Variants in PLCG2 observed in about 807,000 individuals in gnomAD.
PLCG2 encodes the protein 1-phosphatidylinositol 4,5-bisphosphate phosphodiesterase gamma-2.
Under a neutral mutation model 175.6 loss-of-function variants are expected in PLCG2, and 69 were observed. That is an observed-to-expected ratio of 0.39 (90% CI 0.32 to 0.48). PLCG2 has a LOEUF of 0.48. PLCG2 is among the 20% of genes least tolerant of loss of function. The pLI, the probability that PLCG2 is intolerant of heterozygous loss-of-function variation, is 0.91. For synonymous variants in PLCG2, 827 were observed against 624.0 expected, an observed-to-expected ratio of 1.33 and a Z score of -4.85; for missense variants, 1,798 against 1,650.9, an observed-to-expected ratio of 1.09 and a Z score of -1.54.
At position 81,764,545 on chromosome 16, in the gene PLCG2, C is replaced by T. The variant is rs550148351; in HGVS notation, c.-48+8579C>T. Among the ~76,000 whole-genome samples, 30 of 152,302 alleles carry T rather than the reference C, an allele frequency of 2.0e-4. No individual in the cohort carries two copies. The South Asian group carries it at 4.6e-3, about 23-fold the overall frequency. ...CACTGATCACTGGCCAAGCGTGCCC[C>T]GTGCAGGTCTCACCCTCCAGCCCAT... On this transcript the variant is annotated intron_variant, in intron 2 of 5. Coordinates refer to the PLCG2 transcript ENST00000565054.
chr16:81,846,438 A>G (rs1906121571), intron 2 of PLCG2, among the ~76,000 whole-genome samples: 1 of 152,226 alleles, frequency 6.6e-6, no homozygotes, highest in Admixed American at 6.5e-5. Context: ...CTCAGGCTCA[A>G]CTTCCAGGGA....
At chr16:81,776,560 G>A (rs1039790209), upstream of PLCG2, among the ~76,000 whole-genome samples, 2 of 152,214 alleles carry the variant, frequency 1.3e-5, no homozygotes, top group South Asian at 2.1e-4. Context: ...TGATGACGAC[G>A]ATTGTTAATT....
In PLCG2 at chr16:81,769,606, A is replaced by T. The variant is rs535023710; in HGVS notation, c.-48+13640A>T. 1.4e-3 allele frequency among the ~76,000 whole-genome samples: 210 copies of T among 152,010 alleles called. 1 individual carries two copies. The highest frequency in any genetic ancestry group is 6.8e-3 in the Middle Eastern group (2 of 294). On this transcript the variant is annotated intron_variant, in intron 2 of 5. Transcript: ENST00000565054. The stretch of plus-strand genomic sequence containing the variant: ...GAGGCGGGCGGATCACGAGGTCAGG[A>T]GATCGAGACCATCCCGGCTAAAAAA...
intron 10 of PLCG2, among the ~76,000 whole-genome samples, chr16:81,891,240 T>C (rs897120281): frequency 1.3e-5 from 2 of 152,274 alleles, no homozygotes; most frequent in African/African-American, 2.4e-5. Flanking sequence ...TATTTTAGGA[T>C]AAACATTACA....
chr16:81,838,340 G>A (rs1304015855), intron 2 of PLCG2, among the ~76,000 whole-genome samples: 1 of 152,136 alleles, frequency 6.6e-6, no homozygotes. Context: ...GCCTGCCTTG[G>A]CCTCCCAAAG....
At chr16:81,797,422 A>G (rs915170596) in intron 2 of PLCG2, among the ~76,000 whole-genome samples, 1 of 152,200 alleles carries the variant, frequency 6.6e-6, no homozygotes, top group African/African-American at 2.4e-5. Context: ...TGGGGTTGAA[A>G]TCAGAAATCC....
At chr16:81,838,584 G>C (rs757555615) in intron 2 of PLCG2, among the ~76,000 whole-genome samples, 2 of 151,566 alleles carry the variant, frequency 1.3e-5, no homozygotes, top group African/African-American at 4.8e-5. Context: ...AGAGGGAGGG[G>C]AACATCACAC....
Position 81,940,016 on chromosome 16 carries a change from C to G in PLCG2, c.3438C>G (p.Asn1146Lys). 6.2e-7 allele frequency: 1 copy of G among 1,614,102 alleles called. No individual in the cohort carries two copies. Among genetic ancestry groups the G allele is most frequent in the East Asian group, 2.2e-5 (1 of 44,888 alleles). Residue 1146 changes from asparagine to lysine, a missense_variant, in exon 30 of 33, where the codon AAC becomes AAG. Coordinates refer to ENST00000564138, the MANE Select transcript of PLCG2 (RefSeq NM_002661.5). ...VYEEDMFSDPNFLAHATYPIK... is the reference protein window; with the variant it reads ...VYEEDMFSDPKFLAHATYPIK... Reference sequence around the variant, plus strand: ...AAGAAGATATGTTCAGCGATCCCAACTTTCTTGCTCATGCCACTTACCCCA... The same window carrying G: ...AAGAAGATATGTTCAGCGATCCCAAGTTTCTTGCTCATGCCACTTACCCCA...
chr16:81,881,381 C>A (rs776702247), intron 8 of PLCG2, among the ~76,000 whole-genome samples: 1 of 152,182 alleles, frequency 6.6e-6, no homozygotes, highest in Non-Finnish European at 1.5e-5. Flanking sequence ...CCATGAGGGG[C>A]TGATAGATAG....
chr16:81,770,293 A>C (rs1309806591), intron 2 of PLCG2, among the ~76,000 whole-genome samples: 1 of 152,178 alleles, frequency 6.6e-6, no homozygotes, highest in Non-Finnish European at 1.5e-5. Context: ...GACTACTAGC[A>C]GCCTTGTTTT....
At chr16:81,862,962 C>T (rs1907055478) in intron 5 of PLCG2, among the ~76,000 whole-genome samples, 2 of 152,110 alleles carry the variant, frequency 1.3e-5, no homozygotes, top group Admixed American at 1.3e-4. Context: ...GAAATCTTCC[C>T]TTCCCCACCC....
intron 22 of PLCG2, among the ~76,000 whole-genome samples, chr16:81,926,464 T>A (rs529816015): frequency 6.6e-6 from 1 of 152,198 alleles, no homozygotes; most frequent in Non-Finnish European, 1.5e-5. Context: ...ATAGATGGAT[T>A]ATGTCCCGTG....
At chr16:81,859,807 A>G (rs1906877351) in intron 5 of PLCG2, among the ~76,000 whole-genome samples, 1 of 152,176 alleles carries the variant, frequency 6.6e-6, no homozygotes, top group Non-Finnish European at 1.5e-5. Context: ...AAGTCCTGGG[A>G]TTACAGGCAT....
intron 2 of PLCG2, among the ~76,000 whole-genome samples, chr16:81,807,967 C>T (rs571630007): frequency 1.3e-5 from 2 of 152,258 alleles, no homozygotes; most frequent in Non-Finnish European, 2.9e-5. Flanking sequence ...CCCCATGATC[C>T]AGTCACCTTC....
chr16:81,887,394 C>G (rs1908423908), intron 9 of PLCG2, among the ~76,000 whole-genome samples: 1 of 152,212 alleles, frequency 6.6e-6, no homozygotes, highest in African/African-American at 2.4e-5. Context: ...GCTAGGATTA[C>G]AGGCATGAGC....
chr16:81,804,633 C>T (rs190510549), intron 2 of PLCG2, among the ~76,000 whole-genome samples: 4 of 152,296 alleles, frequency 2.6e-5, no homozygotes, highest in East Asian at 1.9e-4. Flanking sequence ...CCAAATGTTG[C>T]GGTGAAGCAT....
At position 81,856,475 on chromosome 16, in the gene PLCG2, G is replaced by T. The variant is rs115120037; in HGVS notation, c.338-1788G>T. 2.2e-3 allele frequency among the ~76,000 whole-genome samples: 341 copies of T among 152,214 alleles called. 1 individual carries two copies. Among genetic ancestry groups the T allele is most frequent in the African/African-American group, 7.9e-3 (329 of 41,510 alleles). On this transcript the variant is annotated intron_variant, in intron 3 of 32. Transcript: ENST00000564138. ...TTAACAAGGGTAATAGCAACCATGG[G>T]TATTAGCAAGCCATACTCTCCTGGG...
intron 22 of PLCG2, among the ~76,000 whole-genome samples, chr16:81,925,967 G>A (rs922222450): frequency 6.6e-6 from 1 of 152,132 alleles, no homozygotes; most frequent in Admixed American, 6.5e-5. Context: ...TATAAGATGT[G>A]GCTGCTTGGA....
At chr16:81,781,731 C>T (rs76262172) in intron 1 of PLCG2, among the ~76,000 whole-genome samples, 20,786 of 152,214 alleles carry the variant, frequency 0.14, 1,747 homozygotes, top group Non-Finnish European at 0.19. Context: ...TTTGCCTGTG[C>T]TCCATTTTAA....
Sources: gnomAD v4.1 joint callset for allele counts (sites outside exome capture counted in the v4.1 genomes callset) on GRCh38, gnomAD v4.1.1 for gene constraint, MANE v1.5 for transcripts, NCBI Gene and HGNC (gene_info 2026-07-23, HGNC 2026-07-21) for gene names.